Variants in EPHA7 observed in about 807,000 individuals in gnomAD.
EPHA7 encodes ephrin type-A receptor 7.
In EPHA7, 25 loss-of-function variants were observed where a neutral mutation model predicts 112.6. The observed-to-expected ratio is 0.22, with a 90% CI of 0.16 to 0.31. EPHA7 has a LOEUF of 0.31. EPHA7 is among the 10% of genes least tolerant of loss of function. The pLI is 1.00. For missense variants in EPHA7, 962 were observed against 1,212.6 expected (o/e 0.79, Z 3.07); for synonymous variants, 437 against 406.5 (o/e 1.07, Z -0.90).
At chr6:93,315,038 A>C (rs1198298158) in intron 5 of EPHA7, among the ~76,000 whole-genome samples, 4 of 148,618 alleles carry the variant, frequency 2.7e-5, no homozygotes, top group East Asian at 4.0e-4. Context: ...AATTTTTTGT[A>C]TTTTTAGTAG....
chr6:93,294,878 GA>G (rs1772573229), intron 5 of EPHA7, among the ~76,000 whole-genome samples: 1 of 151,988 alleles, frequency 6.6e-6, no homozygotes, highest in Non-Finnish European at 1.5e-5. Flanking sequence ...GAATTTATCT[GA>G]AATATGTAAT....
chr6:93,243,686 C>T, intron 16 of EPHA7, 146 bp from the exon 17 acceptor site: 1 of 597,184 alleles, frequency 1.7e-6, no homozygotes. Flanking sequence ...CACACCCCTG[C>T]AGCAGATCAG....
At chr6:93,360,748 G>T (rs575594217) in intron 3 of EPHA7, among the ~76,000 whole-genome samples, 11 of 152,078 alleles carry the variant, frequency 7.2e-5, no homozygotes, top group African/African-American at 1.2e-4. Context: ...GTTGAATTTT[G>T]TTACCCTTTT....
chr6:93,340,743 T>G (rs1383994677), intron 5 of EPHA7, among the ~76,000 whole-genome samples: 1 of 151,980 alleles, frequency 6.6e-6, no homozygotes, highest in Non-Finnish European at 1.5e-5. Flanking sequence ...TTCCATGTGA[T>G]TTTTACAAAG....
At chr6:93,316,041 T>C (rs1032116686) in intron 5 of EPHA7, among the ~76,000 whole-genome samples, 3 of 152,126 alleles carry the variant, frequency 2.0e-5, no homozygotes, top group African/African-American at 7.2e-5. Flanking sequence ...TTGAAAGTGA[T>C]AAGAGGGTAC....
intron 3 of EPHA7, among the ~76,000 whole-genome samples, chr6:93,364,345 G>A (rs970298217): frequency 5.3e-5 from 8 of 152,064 alleles, no homozygotes; most frequent in East Asian, 3.9e-4. Flanking sequence ...CCAACATGAC[G>A]AAATCCTGTC....
intron 3 of EPHA7, among the ~76,000 whole-genome samples, chr6:93,364,974 A>T (rs1156720208): frequency 6.6e-6 from 1 of 152,178 alleles, no homozygotes; most frequent in African/African-American, 2.4e-5. Context: ...AATATTTGTG[A>T]TTGAATTTCT....
intron 3 of EPHA7, among the ~76,000 whole-genome samples, chr6:93,391,565 T>G: frequency 6.6e-6 from 1 of 151,934 alleles, no homozygotes; most frequent in East Asian, 1.9e-4. Flanking sequence ...ATTCCTCCAG[T>G]CACAAAGAAA....
At chr6:93,355,564 T>C (rs1239777427) in intron 5 of EPHA7, among the ~76,000 whole-genome samples, 1 of 152,204 alleles carries the variant, frequency 6.6e-6, no homozygotes, top group Non-Finnish European at 1.5e-5. Context: ...CCGATTTTAA[T>C]ATTGTTGATA....
chr6:93,409,827 C>T (rs912722863), intron 3 of EPHA7: 1 of 147,274 alleles, frequency 6.8e-6, no homozygotes, highest in African/African-American at 2.5e-5. Flanking sequence ...TGTTTCAAAA[C>T]ATGCAATTGG....
intron 3 of EPHA7, among the ~76,000 whole-genome samples, chr6:93,362,091 G>A (rs1008226927): frequency 6.6e-6 from 1 of 151,906 alleles, no homozygotes; most frequent in African/African-American, 2.4e-5. Flanking sequence ...TCTTTTGACT[G>A]TTCTTTTAGT....
chr6:93,292,114 C>G (rs187963120), intron 5 of EPHA7, among the ~76,000 whole-genome samples: 2 of 152,102 alleles, frequency 1.3e-5, no homozygotes, highest in African/African-American at 2.4e-5. Context: ...ACTGAAGACA[C>G]TCCCCACACT....
chr6:93,284,425 AAG>A (rs1771954698), intron 5 of EPHA7, among the ~76,000 whole-genome samples: 1 of 152,162 alleles, frequency 6.6e-6, no homozygotes, highest in Non-Finnish European at 1.5e-5. Context: ...AGAAAGGAGA[AAG>A]AAAAGAATAA....
chr6:93,265,628 A>C (rs1215516521), intron 7 of EPHA7, among the ~76,000 whole-genome samples: 1 of 151,760 alleles, frequency 6.6e-6, no homozygotes, highest in Non-Finnish European at 1.5e-5. Context: ...TTATAAAATC[A>C]TCAAGGACAT....
Position 93,367,351 on chromosome 6 carries a change from C to T in EPHA7, c.833-8940G>A, listed in dbSNP as rs192808455. Among the ~76,000 whole-genome samples the T allele has an allele frequency of 1.3e-3, 205 of 152,168 alleles. 1 individual carries two copies. The highest frequency in any genetic ancestry group is 4.7e-4 in the Non-Finnish European group (32 of 68,008). ...ATTTACTAAAGTATCATAAATTTTG[C>T]ACATCAGTTTTATTATACATTCTCA... On this transcript the variant is annotated intron_variant, in intron 3 of 16. Transcript: ENST00000369303.
intron 5 of EPHA7, among the ~76,000 whole-genome samples, chr6:93,356,103 T>C (rs1775929686): frequency 6.6e-6 from 1 of 152,174 alleles, no homozygotes; most frequent in Non-Finnish European, 1.5e-5. Flanking sequence ...AAAGTGTGAA[T>C]ACATCCTTTA....
At chr6:93,275,339 A>G (rs1234053525) in intron 5 of EPHA7, among the ~76,000 whole-genome samples, 1 of 151,962 alleles carries the variant, frequency 6.6e-6, no homozygotes, top group East Asian at 1.9e-4. Context: ...GAAAACAAAT[A>G]CTGTATATAA....
chr6:93,416,091 GA>G (rs35196521), intron 1 of EPHA7, among the ~76,000 whole-genome samples: 76,722 of 148,962 alleles, frequency 0.52, 19,844 homozygotes, highest in East Asian at 0.67. Flanking sequence ...AGACTGACAG[GA>G]AAAAAAAAAA....
chr6:93,407,692 T>C (rs1269002421), intron 3 of EPHA7, among the ~76,000 whole-genome samples: 1 of 152,036 alleles, frequency 6.6e-6, no homozygotes, highest in African/African-American at 2.4e-5. Flanking sequence ...ATTTCAAGTA[T>C]TCAAAAGCAG....
Sources: gnomAD v4.1 joint callset for allele counts (sites outside exome capture counted in the v4.1 genomes callset) on GRCh38, gnomAD v4.1.1 for gene constraint, MANE v1.5 for transcripts, NCBI Gene and HGNC (gene_info 2026-07-23, HGNC 2026-07-21) for gene names.